The following LSAMP variants were observed in gnomAD, a reference collection of about 807,000 sequenced individuals.
The protein encoded by LSAMP is limbic system-associated membrane protein.
LSAMP carries 7 observed loss-of-function variants against 38.6 expected under a neutral mutation model. The observed-to-expected ratio is 0.18, with a 90% CI of 0.10 to 0.34. LSAMP has a LOEUF of 0.34. LSAMP is among the 10% of genes least tolerant of loss of function. The pLI is 1.00. For missense variants in LSAMP, 313 were observed against 420.0 expected, an observed-to-expected ratio of 0.75 and a Z score of 2.23; for synonymous variants, 154 against 166.8, an observed-to-expected ratio of 0.92 and a Z score of 0.59.
intron 1 of LSAMP, among the ~76,000 whole-genome samples, chr3:116,186,958 G>C (rs1710633282): frequency 2.6e-5 from 4 of 152,124 alleles, no homozygotes; most frequent in African/African-American, 9.7e-5. Flanking sequence ...TGAAGGAGGG[G>C]CAACCAGGTG....
intron 1 of LSAMP, among the ~76,000 whole-genome samples, chr3:116,275,163 C>T (rs923436494): frequency 1.9e-4 from 29 of 152,128 alleles, no homozygotes; most frequent in African/African-American, 6.5e-4. Context: ...AGTGATTCTC[C>T]TGCCTCAGCC....
chr3:116,271,537 C>T (rs1276091883), intron 1 of LSAMP, among the ~76,000 whole-genome samples: 2 of 152,076 alleles, frequency 1.3e-5, no homozygotes, highest in African/African-American at 4.8e-5. Context: ...TTTTAGATTT[C>T]TTTGGTGGAA....
At chr3:116,282,905 G>A (rs2047145138) in intron 1 of LSAMP, among the ~76,000 whole-genome samples, 1 of 151,904 alleles carries the variant, frequency 6.6e-6, no homozygotes, top group Admixed American at 6.6e-5. Context: ...TCCTTCTCAG[G>A]GCCTTACTCT....
intron 1 of LSAMP, among the ~76,000 whole-genome samples, chr3:116,273,244 C>T (rs1226393553): frequency 2.0e-5 from 3 of 152,048 alleles, no homozygotes; most frequent in Non-Finnish European, 2.9e-5. Context: ...AGAACCCCCA[C>T]GGTTTCCCAT....
At chr3:116,121,853 A>G (rs547023220) in intron 1 of LSAMP, among the ~76,000 whole-genome samples, 1 of 149,888 alleles carries the variant, frequency 6.7e-6, no homozygotes, top group South Asian at 2.1e-4. Flanking sequence ...AAATTCATAA[A>G]CTTTCTTAAA....
chr3:115,915,676 A>G (rs1937234745), intron 3 of LSAMP, among the ~76,000 whole-genome samples: 1 of 151,566 alleles, frequency 6.6e-6, no homozygotes, highest in African/African-American at 2.4e-5. Flanking sequence ...CTCTGTTGCC[A>G]GGCTGGAGTG....
At chr3:116,158,450 T>C (rs1200211354) in intron 1 of LSAMP, among the ~76,000 whole-genome samples, 1 of 152,180 alleles carries the variant, frequency 6.6e-6, no homozygotes, top group Non-Finnish European at 1.5e-5. Flanking sequence ...GATAACACCA[T>C]AGTATCTGCC....
chr3:116,190,036 AAAT>A (rs1408742881), intron 1 of LSAMP, among the ~76,000 whole-genome samples: 1 of 151,938 alleles, frequency 6.6e-6, no homozygotes. Flanking sequence ...TAAGTTTTTT[AAAT>A]AACAGAACCA....
At chr3:116,427,409 C>T (rs953705301) in intron 1 of LSAMP, among the ~76,000 whole-genome samples, 1 of 151,940 alleles carries the variant, frequency 6.6e-6, no homozygotes, top group African/African-American at 2.4e-5. Flanking sequence ...CGTGAGCCAC[C>T]GCGCCCGGCC....
chr3:116,074,844 C>CTTTTTTTTTTTTTTTTTTTTTTT (rs1161460100), intron 2 of LSAMP, among the ~76,000 whole-genome samples: 1 of 128,410 alleles, frequency 7.8e-6, no homozygotes, highest in African/African-American at 3.1e-5. Flanking sequence ...TTTCTTTATT[C>CTTTTTTTTTTTTTTTTTTTTTTT]TTTTTTTTTT....
intron 1 of LSAMP, among the ~76,000 whole-genome samples, chr3:116,298,492 G>A (rs976684798): frequency 6.6e-6 from 1 of 152,050 alleles, no homozygotes; most frequent in African/African-American, 2.4e-5. Context: ...AGAAGGGGAG[G>A]AGGAGGAGAA....
Position 115,851,440 on chromosome 3 carries a change from G to A in LSAMP, c.649+1043C>T, listed in dbSNP as rs149900169. On this transcript the variant is annotated intron_variant, in intron 4 of 6. Transcript: ENST00000490035. ...TTTGAATGAGCAGTTTTACCTCCTT[G>A]GGTTGTGGTTTTTCAAACTCTAAAA... 1.1e-4 allele frequency among the ~76,000 whole-genome samples: 16 copies of A among 152,186 alleles called. 1 individual carries two copies. The highest frequency in any genetic ancestry group is 4.1e-4 in the South Asian group (2 of 4,826).
intron 6 of LSAMP, among the ~76,000 whole-genome samples, chr3:115,824,081 T>C (rs183414414): frequency 6.6e-6 from 1 of 152,352 alleles, no homozygotes; most frequent in Admixed American, 6.5e-5. Flanking sequence ...GAGTTTCTTA[T>C]TTAGCCTGAG....
intron 4 of LSAMP, among the ~76,000 whole-genome samples, chr3:115,844,112 G>A (rs1177008004): frequency 2.0e-5 from 3 of 152,102 alleles, no homozygotes; most frequent in African/African-American, 7.2e-5. Context: ...TAAAATGAGG[G>A]AATCCTATTT....
chr3:115,826,526 G>A (rs904766147), intron 6 of LSAMP, among the ~76,000 whole-genome samples: 1 of 152,122 alleles, frequency 6.6e-6, no homozygotes, highest in African/African-American at 2.4e-5. Flanking sequence ...TGGACTTAAA[G>A]TTTACTGTGG....
chr3:116,176,170 C>A (rs963475091), intron 1 of LSAMP, among the ~76,000 whole-genome samples: 1 of 151,988 alleles, frequency 6.6e-6, no homozygotes, highest in Admixed American at 6.6e-5. Context: ...ATATAACTGG[C>A]AATTTCAGAC....
At chr3:116,144,513 A>T (rs1338336021) in intron 1 of LSAMP, among the ~76,000 whole-genome samples, 1 of 151,234 alleles carries the variant, frequency 6.6e-6, no homozygotes, top group Non-Finnish European at 1.5e-5. Flanking sequence ...ACAGAGTAAG[A>T]TCCTGTCTCA....
chr3:115,854,746 T>G (rs1338431562), intron 3 of LSAMP, among the ~76,000 whole-genome samples: 1 of 152,154 alleles, frequency 6.6e-6, no homozygotes, highest in East Asian at 1.9e-4. Context: ...ATGCACTAAG[T>G]GTCATGCCAA....
intron 3 of LSAMP, among the ~76,000 whole-genome samples, chr3:115,925,007 T>C (rs1244830156): frequency 1.3e-5 from 2 of 152,132 alleles, no homozygotes; most frequent in African/African-American, 2.4e-5. Context: ...TTCTAGACCA[T>C]GTTCTAGGTA....
Sources: allele counts gnomAD v4.1 joint callset (sites outside exome capture counted in the v4.1 genomes callset), GRCh38; gene constraint gnomAD v4.1.1; transcripts MANE v1.5; gene names NCBI Gene and HGNC (gene_info 2026-07-23, HGNC 2026-07-21).